Variants in LHCGR observed in about 807,000 individuals in gnomAD.
The protein encoded by LHCGR is luteinizing hormone/choriogonadotropin receptor, also known as lutropin-choriogonadotropic hormone receptor.
In LHCGR, 55 loss-of-function variants were observed where a neutral mutation model predicts 60.7. The observed-to-expected ratio is 0.91, with a 90% confidence interval of 0.73 to 1.13. The LOEUF (loss-of-function observed/expected upper bound fraction) is 1.13. LHCGR is among the 50% of genes most tolerant of loss of function. LHCGR has a pLI of 0.00. For synonymous variants in LHCGR, 337 were observed against 316.5 expected, an observed-to-expected ratio of 1.06 and a Z score of -0.69; for missense variants, 862 against 836.0, an observed-to-expected ratio of 1.03 and a Z score of -0.38.
At chr2:48,718,200 C>T (rs1276781171) in intron 6 of LHCGR, among the ~76,000 whole-genome samples, 1 of 152,106 alleles carries the variant, frequency 6.6e-6, no homozygotes, top group Non-Finnish European at 1.5e-5. Context: ...TTTCGCCTCC[C>T]CCAACTTCTC....
intron 3 of LHCGR, among the ~76,000 whole-genome samples, chr2:48,726,686 G>A (rs1430695897): frequency 2.0e-5 from 3 of 152,178 alleles, no homozygotes; most frequent in Non-Finnish European, 4.4e-5. Flanking sequence ...TTAGGAGCAT[G>A]GGCTCTGGAG....
intron 8 of LHCGR, among the ~76,000 whole-genome samples, chr2:48,707,627 C>T (rs1199058991): frequency 1.3e-5 from 2 of 152,260 alleles, no homozygotes; most frequent in Non-Finnish European, 2.9e-5. Flanking sequence ...GTCAGCCTTG[C>T]TGAGCTGTAT....
chr2:48,749,128 T>C (rs1160058299), intron 1 of LHCGR, among the ~76,000 whole-genome samples: 1 of 152,208 alleles, frequency 6.6e-6, no homozygotes, highest in Non-Finnish European at 1.5e-5. Context: ...TGTTTATAAA[T>C]TGTACTTTTC....
chr2:48,704,999 T>C (rs1261039118), intron 8 of LHCGR, among the ~76,000 whole-genome samples: 1 of 152,226 alleles, frequency 6.6e-6, no homozygotes, highest in Admixed American at 6.5e-5. Flanking sequence ...CAATTTTAGA[T>C]CTTTCCTGCC....
chr2:48,701,087 A>C (rs1667384819), intron 8 of LHCGR, among the ~76,000 whole-genome samples: 1 of 152,076 alleles, frequency 6.6e-6, no homozygotes. Context: ...AGAGAGTCAA[A>C]AGTGGATAGC....
At chr2:48,721,717 A>T (rs4637173) in intron 6 of LHCGR, 1 of 471,004 alleles carries the variant, frequency 2.1e-6, no homozygotes, top group South Asian at 1.5e-5. Context: ...ATTCCAATCC[A>T]TGTTTTCTCT....
chr2:48,729,436 T>C (rs1668889825), intron 2 of LHCGR, among the ~76,000 whole-genome samples: 1 of 152,166 alleles, frequency 6.6e-6, no homozygotes. Context: ...CAAGTGCAGT[T>C]GAAATGCAAG....
At chr2:48,718,194 G>A (rs4303756) in intron 6 of LHCGR, among the ~76,000 whole-genome samples, 18,318 of 151,930 alleles carry the variant, frequency 0.12, 1,324 homozygotes, top group Middle Eastern at 0.23. Context: ...AAGATTTTTC[G>A]CCTCCCCCAA....
intron 8 of LHCGR, among the ~76,000 whole-genome samples, chr2:48,705,159 T>C (rs538152950): frequency 3.9e-5 from 6 of 152,356 alleles, no homozygotes; most frequent in African/African-American, 1.4e-4. Context: ...CCAGTAGTCA[T>C]TCAGGAGCAG....
intron 6 of LHCGR, among the ~76,000 whole-genome samples, chr2:48,717,758 C>G (rs557332738): frequency 6.6e-6 from 1 of 151,552 alleles, no homozygotes. Context: ...AATGTACTCA[C>G]GTGCTGAAGG....
At chr2:48,740,265 AG>A (rs1337635340) in intron 1 of LHCGR, among the ~76,000 whole-genome samples, 1 of 152,166 alleles carries the variant, frequency 6.6e-6, no homozygotes, top group Non-Finnish European at 1.5e-5. Context: ...AGGCTGGGGG[AG>A]GGGCGCCTGC....
rs77945929 is a variant in LHCGR, at chr2:48,691,402, G to A, written c.948-2553C>T. ...ACAGAAGACCGCATAGGAACCTCTC[G>A]TGTTTTATTATTAAATATTGTTATA... On this transcript the variant is annotated intron_variant, in intron 10 of 10. Transcript: ENST00000294954. 1.1e-3 allele frequency among the ~76,000 whole-genome samples: 165 copies of A among 152,254 alleles called. 2 individuals are homozygous for A. In the East Asian group the frequency reaches 0.014, roughly 12 times the overall value.
intron 2 of LHCGR, among the ~76,000 whole-genome samples, chr2:48,730,755 C>T (rs1432006268): frequency 6.6e-6 from 1 of 152,168 alleles, no homozygotes; most frequent in Non-Finnish European, 1.5e-5. Context: ...GTGCTTTACA[C>T]TTTTGATAAA....
Position 48,739,882 on chromosome 2 carries a change from G to A in LHCGR, c.162-8584C>T, listed in dbSNP as rs190765835. 3.0e-3 allele frequency among the ~76,000 whole-genome samples: 456 copies of A among 152,248 alleles called. 2 individuals are homozygous for A. The highest frequency in any genetic ancestry group is 0.01 in the African/African-American group (428 of 41,540). On this transcript the variant is annotated intron_variant, in intron 1 of 10. Coordinates refer to ENST00000294954, the MANE Select transcript of LHCGR (RefSeq NM_000233.4). Reference sequence around the variant, plus strand: ...ACAGCTCCAGTCTACAGCTCCCAGCGTGAGCAACGCAGAAGATGGGTGATT... The same window carrying A: ...ACAGCTCCAGTCTACAGCTCCCAGCATGAGCAACGCAGAAGATGGGTGATT...
chr2:48,753,385 G>A (rs1475111179), intron 1 of LHCGR, among the ~76,000 whole-genome samples: 1 of 152,198 alleles, frequency 6.6e-6, no homozygotes, highest in Non-Finnish European at 1.5e-5. Context: ...CCTCCACAGA[G>A]TGACAAGGGC....
intron 1 of LHCGR, among the ~76,000 whole-genome samples, chr2:48,747,681 G>T (rs1572895735): frequency 2.0e-5 from 3 of 151,750 alleles, no homozygotes; most frequent in South Asian, 2.1e-4. Context: ...CTAGGGGAAA[G>T]CTCCCTGAGC....
chr2:48,739,423 C>A (rs1344958388), intron 1 of LHCGR, among the ~76,000 whole-genome samples: 1 of 152,104 alleles, frequency 6.6e-6, no homozygotes, highest in Non-Finnish European at 1.5e-5. Flanking sequence ...AAATGTCCAA[C>A]AATGATAGAC....
At chr2:48,753,248 A>G (rs1384079436) in intron 1 of LHCGR, among the ~76,000 whole-genome samples, 1 of 152,126 alleles carries the variant, frequency 6.6e-6, no homozygotes, top group African/African-American at 2.4e-5. Context: ...CTAAGACCAT[A>G]CTTTGAGAAA....
intron 4 of LHCGR, 84 bp from the exon 5 acceptor site, chr2:48,723,780 CA>C: frequency 9.7e-7 from 1 of 1,028,796 alleles, no homozygotes; most frequent in Non-Finnish European, 1.5e-6. Flanking sequence ...AAAGAGAGTA[CA>C]AAGGCATTTT....
Sources: allele counts gnomAD v4.1 joint callset (sites outside exome capture counted in the v4.1 genomes callset), GRCh38; gene constraint gnomAD v4.1.1; transcripts MANE v1.5; gene names NCBI Gene and HGNC (gene_info 2026-07-23, HGNC 2026-07-21).